Variants in KCNMA1 observed in about 807,000 individuals in gnomAD.
The protein encoded by KCNMA1 is potassium calcium-activated channel subfamily M alpha 1.
A neutral mutation model predicts 140.0 loss-of-function variants in KCNMA1; 29 were observed. That is an observed-to-expected ratio of 0.21 (90% CI 0.15 to 0.28). The LOEUF (loss-of-function observed/expected upper bound fraction) is 0.28. Among genes scored for constraint, KCNMA1 ranks in the 10% least tolerant of loss-of-function variants. The pLI is 1.00. For missense variants in KCNMA1, 880 were observed against 1,602.2 expected, an observed-to-expected ratio of 0.55 and a Z score of 7.70; for synonymous variants, 612 against 611.9, an observed-to-expected ratio of 1.00 and a Z score of 0.00.
chr10:77,263,233 A>G (rs1186480252), intron 2 of KCNMA1, among the ~76,000 whole-genome samples: 1 of 152,136 alleles, frequency 6.6e-6, no homozygotes, highest in Non-Finnish European at 1.5e-5. Flanking sequence ...CATTTCCAGA[A>G]TCTATCCCCA....
chr10:76,918,059 G>T (rs539309972), intron 23 of KCNMA1, among the ~76,000 whole-genome samples: 35 of 152,260 alleles, frequency 2.3e-4, no homozygotes, highest in Non-Finnish European at 1.9e-4. Context: ...TGACCATCTT[G>T]CTCTCCTTCC....
chr10:76,919,849 G>C lies in KCNMA1; in HGVS notation c.2903-4800C>G, dbSNP rs148860731. 9.2e-3 allele frequency among the ~76,000 whole-genome samples: 1,388 copies of C among 151,380 alleles called. 18 individuals are homozygous for C. The highest frequency in any genetic ancestry group is 0.032 in the African/African-American group (1,307 of 41,330). On this transcript the variant is annotated intron_variant, in intron 23 of 27. Coordinates refer to ENST00000286628, the MANE Select transcript of KCNMA1 (RefSeq NM_001161352.2). ...GGCTACCAATATTAATATTTTATTAGGTATACAATAAGTATTCGTGGATCA... is the reference window on the plus strand; with the variant it reads ...GGCTACCAATATTAATATTTTATTACGTATACAATAAGTATTCGTGGATCA...
At chr10:76,941,067 GAAAAAGAAAGAAAGAAAGAGAA>G (rs2062013315) in intron 23 of KCNMA1, among the ~76,000 whole-genome samples, 1 of 79,350 alleles carries the variant, frequency 1.3e-5, no homozygotes, top group African/African-American at 4.7e-5. Flanking sequence ...AAGAAAGAAA[GAAAAAGAAAGAAAGAAAGAGAA>G]AGAAAGAAAG....
intron 3 of KCNMA1, among the ~76,000 whole-genome samples, chr10:77,228,268 T>C (rs1322079766): frequency 6.6e-6 from 1 of 152,178 alleles, no homozygotes; most frequent in Non-Finnish European, 1.5e-5. Context: ...CCCGGCCTAA[T>C]TTAAAATATC....
intron 5 of KCNMA1, among the ~76,000 whole-genome samples, chr10:77,171,285 A>G (rs1257660636): frequency 6.6e-6 from 1 of 152,160 alleles, no homozygotes; most frequent in Non-Finnish European, 1.5e-5. Flanking sequence ...AAGTTTGAGA[A>G]CCACTGGTCT....
At chr10:77,269,923 G>A (rs1286548229) in intron 2 of KCNMA1, among the ~76,000 whole-genome samples, 5 of 152,188 alleles carry the variant, frequency 3.3e-5, no homozygotes, top group Non-Finnish European at 5.9e-5. Flanking sequence ...GGAGATACAG[G>A]TAAGTAGAGG....
At chr10:77,083,095 G>C (rs943108799) in intron 12 of KCNMA1, among the ~76,000 whole-genome samples, 8 of 152,252 alleles carry the variant, frequency 5.3e-5, no homozygotes, top group Non-Finnish European at 1.0e-4. Context: ...GGTAGAGGGG[G>C]AACCTTCGGC....
chr10:77,354,229 G>A (rs376292243), intron 2 of KCNMA1, among the ~76,000 whole-genome samples: 3 of 152,168 alleles, frequency 2.0e-5, no homozygotes, highest in South Asian at 2.1e-4. Context: ...TCTTGACCTC[G>A]TGATCTGCCT....
At chr10:76,947,308 G>A (rs997542289) in intron 22 of KCNMA1, among the ~76,000 whole-genome samples, 1 of 152,154 alleles carries the variant, frequency 6.6e-6, no homozygotes. Context: ...TTGCACTCCA[G>A]CCTGGGCAGC....
chr10:77,155,950 G>A (rs950353499), intron 5 of KCNMA1, among the ~76,000 whole-genome samples: 13 of 152,184 alleles, frequency 8.5e-5, no homozygotes, highest in Middle Eastern at 3.4e-3. Context: ...AAAGTTGGCC[G>A]GGCATGGTGG....
intron 15 of KCNMA1, among the ~76,000 whole-genome samples, chr10:77,033,429 CCTT>C (rs1325971391): frequency 6.6e-6 from 1 of 151,828 alleles, no homozygotes; most frequent in Non-Finnish European, 1.5e-5. Context: ...CTTATTCTCT[CCTT>C]CTCTCTCTCT....
At chr10:77,053,989 C>T (rs2095461297) in intron 14 of KCNMA1, among the ~76,000 whole-genome samples, 1 of 152,082 alleles carries the variant, frequency 6.6e-6, no homozygotes, top group Non-Finnish European at 1.5e-5. Flanking sequence ...ATCCTGCTGC[C>T]CACTGCACAG....
downstream of KCNMA1, among the ~76,000 whole-genome samples, chr10:76,883,135 T>C (rs567235574): frequency 2.0e-5 from 3 of 152,294 alleles, no homozygotes; most frequent in African/African-American, 7.2e-5. Flanking sequence ...CTCTACTCAT[T>C]GAGCTTACAG....
chr10:77,106,600 A>G (rs1220653445), intron 9 of KCNMA1, among the ~76,000 whole-genome samples: 1 of 152,164 alleles, frequency 6.6e-6, no homozygotes, highest in African/African-American at 2.4e-5. Flanking sequence ...CTTCAGGGCA[A>G]TTGATTTTAT....
At chr10:77,275,229 A>T (rs2066327702) in intron 2 of KCNMA1, among the ~76,000 whole-genome samples, 1 of 152,178 alleles carries the variant, frequency 6.6e-6, no homozygotes, top group Non-Finnish European at 1.5e-5. Flanking sequence ...GAGCTTCAGG[A>T]TACTCTTTCT....
At chr10:77,147,409 C>T (rs2098325541) in intron 5 of KCNMA1, among the ~76,000 whole-genome samples, 1 of 151,970 alleles carries the variant, frequency 6.6e-6, no homozygotes. Context: ...GTCTTTGTCT[C>T]CCACCCCACC....
At chr10:77,484,774 C>T (rs1603628474) in intron 1 of KCNMA1, among the ~76,000 whole-genome samples, 1 of 152,204 alleles carries the variant, frequency 6.6e-6, no homozygotes, top group South Asian at 2.1e-4. Flanking sequence ...GAATCTGCAT[C>T]GCCAACAACT....
intron 2 of KCNMA1, among the ~76,000 whole-genome samples, chr10:77,352,572 C>A (rs1383665670): frequency 6.6e-6 from 1 of 151,900 alleles, no homozygotes. Flanking sequence ...CTAGTGGCTA[C>A]CATATAAAAC....
At chr10:76,936,985 G>A (rs2060733411) in intron 23 of KCNMA1, among the ~76,000 whole-genome samples, 1 of 152,108 alleles carries the variant, frequency 6.6e-6, no homozygotes, top group Non-Finnish European at 1.5e-5. Context: ...ATAAAACACA[G>A]ATCCCTATGT....
Sources: gnomAD v4.1 joint callset for allele counts (sites outside exome capture counted in the v4.1 genomes callset) on GRCh38, gnomAD v4.1.1 for gene constraint, MANE v1.5 for transcripts, NCBI Gene and HGNC (gene_info 2026-07-23, HGNC 2026-07-21) for gene names.